Variants in CDK17 observed in about 807,000 individuals in gnomAD.
CDK17 encodes the protein cyclin dependent kinase 17.
A neutral mutation model predicts 77.6 loss-of-function variants in CDK17; 24 were observed. That is an observed-to-expected ratio of 0.31 (90% CI 0.22 to 0.44). The LOEUF (loss-of-function observed/expected upper bound fraction) is 0.44. Among genes scored for constraint, CDK17 ranks in the 20% least tolerant of loss-of-function variants. CDK17 has a pLI of 1.00. For missense variants in CDK17, 429 were observed against 622.5 expected (o/e 0.69, Z 3.31); for synonymous variants, 203 against 210.4 (o/e 0.96, Z 0.30).
chr12:96,377,501 C>T (rs1953798279), intron 1 of CDK17, among the ~76,000 whole-genome samples: 1 of 151,936 alleles, frequency 6.6e-6, no homozygotes, highest in Admixed American at 6.6e-5. Context: ...AAAAAATGTC[C>T]AATGTCATTG....
chr12:96,375,272 C>G (rs1418130257), intron 1 of CDK17, among the ~76,000 whole-genome samples: 2 of 152,170 alleles, frequency 1.3e-5, no homozygotes, highest in Admixed American at 6.5e-5. Context: ...TTATCCTAAA[C>G]ACATTTTCCT....
chr12:96,342,208 T>TA (rs1169743879), intron 1 of CDK17, among the ~76,000 whole-genome samples: 1 of 152,144 alleles, frequency 6.6e-6, no homozygotes. Context: ...AAAACTACTG[T>TA]AAAAAAAGTG....
chr12:96,324,441 T>C (rs1016478790), intron 2 of CDK17, among the ~76,000 whole-genome samples: 2 of 152,146 alleles, frequency 1.3e-5, no homozygotes, highest in Non-Finnish European at 1.5e-5. Context: ...TCCATACCAC[T>C]CCTCCATTTA....
At chr12:96,306,437 T>C (rs1425047538) in intron 5 of CDK17, among the ~76,000 whole-genome samples, 1 of 151,658 alleles carries the variant, frequency 6.6e-6, no homozygotes, top group Non-Finnish European at 1.5e-5. Context: ...ATTATATATA[T>C]ATATGAGAAC....
In CDK17 at chr12:96,297,638, A is replaced by T; in HGVS notation, c.799T>A (p.Phe267Ile). 6.3e-7 allele frequency: 1 copy of T among 1,586,366 alleles called. No homozygotes were observed. The highest frequency in any genetic ancestry group is 8.6e-7 in the Non-Finnish European group (1 of 1,158,432). Residue 267 changes from phenylalanine to isoleucine, a missense_variant, in exon 8 of 17, where the codon TTT becomes ATT. By Grantham distance (21) the Phe-to-Ile change is conservative. Coordinates refer to ENST00000261211, the MANE Select transcript of CDK17 (RefSeq NM_002595.5). ...VHTDKSLTLV[F>I]EYLDKDLKQY... ...TATGAGATGCTTACCAGATACTCAA[A>T]CACCAAAGTCAAGGATTTATCTGTG...
chr12:96,316,922 A>T (rs1249838180), intron 3 of CDK17, among the ~76,000 whole-genome samples: 2 of 150,958 alleles, frequency 1.3e-5, no homozygotes, highest in Non-Finnish European at 1.5e-5. Flanking sequence ...AAAGGAACAC[A>T]GTTCCTCACC....
rs184447720 is a variant in CDK17 at position 96,372,559 on chromosome 12, T to C, written c.-30+27427A>G. ...GCCAATTTCCAAGCATACTCTATCATCTTTATAAGATCTAAGGTAAAGGCC... is the reference window on the plus strand; with the variant it reads ...GCCAATTTCCAAGCATACTCTATCACCTTTATAAGATCTAAGGTAAAGGCC... On this transcript the variant is annotated intron_variant, in intron 1 of 16. Transcript: ENST00000261211. Among the ~76,000 whole-genome samples, 225 of 152,222 alleles carry C rather than the reference T, an allele frequency of 1.5e-3. 4 individuals carry two copies. The highest frequency in any genetic ancestry group is 0.013 in the Admixed American group (196 of 15,294).
In CDK17 at chr12:96,297,279, G is replaced by C. The variant is rs766700319; in HGVS notation, c.864C>G (p.His288Gln). The change falls in exon 9 of 17, where the codon CAC becomes CAG. Residue 288 changes from histidine (H) to glutamine (Q), a missense_variant. Transcript: ENST00000261211. The part of the protein sequence containing the change: ...MDDCGNIMSM[H>Q]NVKLFLYQIL... ...ACGCAAGAAAACATACCTTTACGTT[G>C]TGCATACTCATGATGTTTCCACAGT... 5 of 1,607,758 alleles carry C rather than the reference G, an allele frequency of 3.1e-6. No individual in the cohort carries two copies. In the East Asian group the frequency reaches 8.9e-5, roughly 29 times the overall value.
At chr12:96,338,905 GA>G in intron 1 of CDK17, among the ~76,000 whole-genome samples, 1 of 151,662 alleles carries the variant, frequency 6.6e-6, no homozygotes, top group Admixed American at 6.6e-5. Flanking sequence ...TCCATCTCCA[GA>G]ATTCATTTCA....
At chr12:96,305,242 A>T (rs773584393) in intron 5 of CDK17, among the ~76,000 whole-genome samples, 52 of 152,246 alleles carry the variant, frequency 3.4e-4, no homozygotes, top group Non-Finnish European at 6.6e-4. Flanking sequence ...TTTTAACATG[A>T]CATATGATCA....
At chr12:96,369,149 CAAAAAAGAAA>C (rs985866639) in intron 1 of CDK17, among the ~76,000 whole-genome samples, 1 of 150,126 alleles carries the variant, frequency 6.7e-6, no homozygotes, top group Admixed American at 6.6e-5. Flanking sequence ...CAAACAATCA[CAAAAAAGAAA>C]AAAAAAGTAT....
intron 9 of CDK17, among the ~76,000 whole-genome samples, chr12:96,296,290 C>G (rs959803798): frequency 4.6e-5 from 7 of 151,622 alleles, no homozygotes; most frequent in East Asian, 1.9e-4. Context: ...AAATTAAAAC[C>G]AAAAAAATAC....
intron 10 of CDK17, among the ~76,000 whole-genome samples, chr12:96,294,499 C>T (rs1257772831): frequency 7.1e-6 from 1 of 141,226 alleles, no homozygotes. Flanking sequence ...AGGAGAGTCA[C>T]TTGAACCTGG....
chr12:96,312,086 A>T (rs2137106094), intron 4 of CDK17, among the ~76,000 whole-genome samples: 1 of 152,128 alleles, frequency 6.6e-6, no homozygotes, highest in Non-Finnish European at 1.5e-5. Context: ...CACTTTGGGA[A>T]GCCAATATGG....
At chr12:96,298,819 A>G (rs757250410) in intron 7 of CDK17, 50 bp downstream of exon 7, 21 of 946,034 alleles carry the variant, frequency 2.2e-5, no homozygotes, top group Non-Finnish European at 3.4e-5. Flanking sequence ...TAAAAAATAG[A>G]CACTTATTCC....
chr12:96,374,761 C>T (rs560609519), intron 1 of CDK17, among the ~76,000 whole-genome samples: 1 of 152,158 alleles, frequency 6.6e-6, no homozygotes, highest in Non-Finnish European at 1.5e-5. Context: ...AAGCAGTAAG[C>T]TTTCAAGCAA....
At position 96,378,445 on chromosome 12, in the gene CDK17, G is replaced by C. The variant is rs75553880; in HGVS notation, c.-30+21541C>G. Reference sequence around the variant, plus strand: ...CCAGCACTACAAGATACTCCAGGTTGATCTTACAGTTTTATTAGCTGCCCC... The same window carrying C: ...CCAGCACTACAAGATACTCCAGGTTCATCTTACAGTTTTATTAGCTGCCCC... On this transcript the variant is annotated intron_variant, in intron 1 of 16. Coordinates refer to ENST00000261211, the MANE Select transcript of CDK17 (RefSeq NM_002595.5). 2.0e-3 allele frequency among the ~76,000 whole-genome samples: 312 copies of C among 152,248 alleles called. 7 individuals carry two copies. In the East Asian group the frequency reaches 0.047, roughly 23 times the overall value.
intron 2 of CDK17, among the ~76,000 whole-genome samples, chr12:96,327,856 T>A (rs1037257156): frequency 6.6e-6 from 1 of 152,142 alleles, no homozygotes; most frequent in African/African-American, 2.4e-5. Context: ...CCCAAAATAT[T>A]TTTAAATCTT....
intron 1 of CDK17, among the ~76,000 whole-genome samples, chr12:96,360,517 A>G (rs1441933295): frequency 6.6e-6 from 1 of 152,202 alleles, no homozygotes; most frequent in Non-Finnish European, 1.5e-5. Flanking sequence ...TTTTCTGAAG[A>G]ATTTTAGATG....
Sources: allele counts gnomAD v4.1 joint callset (sites outside exome capture counted in the v4.1 genomes callset), GRCh38; gene constraint gnomAD v4.1.1; transcripts MANE v1.5; gene names NCBI Gene and HGNC (gene_info 2026-07-23, HGNC 2026-07-21).